The following ARL15 variants were observed in gnomAD, a reference collection of about 807,000 sequenced individuals.
ARL15 encodes the protein ADP-ribosylation factor-like protein 15.
In ARL15, 19 loss-of-function variants were observed where a neutral mutation model predicts 25.2. The observed-to-expected ratio is 0.75, with a 90% CI of 0.53 to 1.10. ARL15 has a LOEUF of 1.10. ARL15 is among the 50% of genes least tolerant of loss of function. The probability of loss-of-function intolerance (pLI) is 0.00; values close to 1 mark genes in which losing one functional copy is unlikely to be tolerated. For missense variants in ARL15, 220 were observed against 246.0 expected, an observed-to-expected ratio of 0.89 and a Z score of 0.71; for synonymous variants, 94 against 86.8, an observed-to-expected ratio of 1.08 and a Z score of -0.46.
intron 3 of ARL15, among the ~76,000 whole-genome samples, chr5:54,140,169 T>C (rs1753725723): frequency 6.6e-6 from 1 of 152,016 alleles, no homozygotes; most frequent in Non-Finnish European, 1.5e-5. Context: ...TGTTTTTAAC[T>C]TCCTGGATTA....
At chr5:53,906,277 C>T (rs1745247965) in intron 4 of ARL15, among the ~76,000 whole-genome samples, 1 of 152,172 alleles carries the variant, frequency 6.6e-6, no homozygotes, top group Admixed American at 6.5e-5. Context: ...GGGCAATCTT[C>T]TATCAAACTG....
Position 53,978,558 on chromosome 5 carries a change from G to C in ARL15, c.463-91845C>G, listed in dbSNP as rs59309147. ...CCTAGAACTTTGGGAGGCCAAGATG[G>C]GAGAATCACTTGAGGCCAGGAGTTC... On this transcript the variant is annotated intron_variant, in intron 4 of 4. Transcript: ENST00000504924. 5.3e-3 allele frequency among the ~76,000 whole-genome samples: 775 copies of C among 144,912 alleles called. 9 individuals are homozygous for C. Among genetic ancestry groups the C allele is most frequent in the African/African-American group, 0.018 (735 of 39,772 alleles).
At position 53,884,626 on chromosome 5, in the gene ARL15, G is replaced by A. The variant is rs1384487946; in HGVS notation, c.*1935C>T. ...TCATTCTGACGGCTGAGACGCTGCA[G>A]ACAGTCGTGGGTTTGAGGAGAGGCC... On this transcript the variant is annotated 3_prime_UTR_variant, in exon 5 of 5. Transcript: ENST00000504924. 6.6e-6 allele frequency: 1 copy of A among 152,040 alleles called. No homozygotes were observed. The highest frequency in any genetic ancestry group is 1.5e-5 in the Non-Finnish European group (1 of 68,038). 9.4% of individuals were successfully genotyped at this position (152,040 alleles called of 1,614,324 possible).
intron 3 of ARL15, among the ~76,000 whole-genome samples, chr5:54,125,867 A>AG (rs1281936044): frequency 6.6e-6 from 1 of 152,194 alleles, no homozygotes; most frequent in African/African-American, 2.4e-5. Flanking sequence ...AACTACAGGG[A>AG]GAAAAAAATA....
At chr5:54,016,883 C>G (rs1749443905) in intron 4 of ARL15, among the ~76,000 whole-genome samples, 2 of 152,194 alleles carry the variant, frequency 1.3e-5, no homozygotes, top group Admixed American at 6.5e-5. Context: ...ATCTATTTCC[C>G]TCCCTCTTAT....
intron 1 of ARL15, among the ~76,000 whole-genome samples, chr5:54,240,057 C>G (rs990346573): frequency 8.6e-5 from 13 of 151,968 alleles, no homozygotes; most frequent in Admixed American, 2.0e-4. Flanking sequence ...GAAACCCCAT[C>G]TCTACTAAAA....
chr5:54,259,779 T>C (rs1757451763), intron 1 of ARL15, among the ~76,000 whole-genome samples: 2 of 152,336 alleles, frequency 1.3e-5, no homozygotes, highest in Non-Finnish European at 2.9e-5. Flanking sequence ...CACATGGTCT[T>C]ACAACATCAC....
intron 1 of ARL15, among the ~76,000 whole-genome samples, chr5:54,197,377 C>T (rs1303491398): frequency 6.6e-6 from 1 of 152,226 alleles, no homozygotes; most frequent in East Asian, 1.9e-4. Context: ...CAGAAAAGCA[C>T]CTGATTGGGA....
At chr5:54,266,522 T>G (rs576287052) in intron 1 of ARL15, among the ~76,000 whole-genome samples, 20 of 152,306 alleles carry the variant, frequency 1.3e-4, no homozygotes, top group African/African-American at 4.8e-4. Flanking sequence ...ATCTATTATC[T>G]CTCTGTATTT....
chr5:54,246,592 C>CT (rs758941030), intron 1 of ARL15, among the ~76,000 whole-genome samples: 1 of 152,134 alleles, frequency 6.6e-6, no homozygotes, highest in Non-Finnish European at 1.5e-5. Flanking sequence ...CTCACCACTC[C>CT]TTCATCTCCC....
chr5:54,290,998 C>A (rs1030019707), intron 1 of ARL15, among the ~76,000 whole-genome samples: 1 of 152,196 alleles, frequency 6.6e-6, no homozygotes, highest in Non-Finnish European at 1.5e-5. Flanking sequence ...TCTATATTAA[C>A]TTACAAAAAT....
chr5:54,250,554 C>G lies in ARL15; in HGVS notation c.48+59878G>C, dbSNP rs549594798. Among the ~76,000 whole-genome samples the G allele has an allele frequency of 3.3e-5, 5 of 152,204 alleles. No individual in the cohort carries two copies. In the South Asian group the frequency reaches 1.0e-3, roughly 32 times the overall value. ...TGGGAAGAACAAGGTTCAGTAAGTT[C>G]TGAGGAGTAGAAATGAAGGTCGCTA... is the stretch of plus-strand genomic sequence containing the variant. On this transcript the variant is annotated intron_variant, in intron 1 of 4. Coordinates refer to ENST00000504924, the MANE Select transcript of ARL15 (RefSeq NM_019087.3).
At chr5:54,029,905 G>A (rs1450828494) in intron 4 of ARL15, among the ~76,000 whole-genome samples, 1 of 152,080 alleles carries the variant, frequency 6.6e-6, no homozygotes, top group Non-Finnish European at 1.5e-5. Context: ...GCTGAGGCAG[G>A]AGAATTACGT....
intron 4 of ARL15, among the ~76,000 whole-genome samples, chr5:54,082,323 A>G (rs1751828184): frequency 6.6e-6 from 1 of 152,196 alleles, no homozygotes; most frequent in Non-Finnish European, 1.5e-5. Context: ...TACAGCATGA[A>G]AGTTCTAAAA....
chr5:54,007,076 T>C (rs893211900), intron 4 of ARL15, among the ~76,000 whole-genome samples: 2 of 152,192 alleles, frequency 1.3e-5, no homozygotes, highest in African/African-American at 2.4e-5. Context: ...ACAAAATTTT[T>C]ACTCTTCTGA....
chr5:54,305,850 G>A (rs1758740769), intron 1 of ARL15, among the ~76,000 whole-genome samples: 1 of 151,932 alleles, frequency 6.6e-6, no homozygotes, highest in Admixed American at 6.6e-5. Flanking sequence ...TGGATGGGAG[G>A]GTGGAGGCTA....
At chr5:54,091,425 T>G (rs1159591465) in intron 4 of ARL15, among the ~76,000 whole-genome samples, 1 of 152,108 alleles carries the variant, frequency 6.6e-6, no homozygotes, top group African/African-American at 2.4e-5. Context: ...GGTAAAGAAA[T>G]TTTAGCTTAG....
chr5:54,225,738 C>T (rs535465457), intron 1 of ARL15, among the ~76,000 whole-genome samples: 1 of 152,178 alleles, frequency 6.6e-6, no homozygotes, highest in South Asian at 2.1e-4. Context: ...AGTGAGGAGG[C>T]TGACCTTGGG....
At chr5:54,011,330 A>G (rs753635712) in intron 4 of ARL15, among the ~76,000 whole-genome samples, 1 of 152,240 alleles carries the variant, frequency 6.6e-6, no homozygotes, top group African/African-American at 2.4e-5. Context: ...TGTATTACAC[A>G]GAACTTCAAC....
Sources: allele counts gnomAD v4.1 joint callset (sites outside exome capture counted in the v4.1 genomes callset), GRCh38; gene constraint gnomAD v4.1.1; transcripts MANE v1.5; gene names NCBI Gene and HGNC (gene_info 2026-07-23, HGNC 2026-07-21).